TEP1: variants seen among roughly 807,000 people sequenced by gnomAD.
TEP1 encodes telomerase protein component 1.
A neutral mutation model predicts 306.3 loss-of-function variants in TEP1; 241 were observed. The observed-to-expected ratio is 0.79, with a 90% CI of 0.71 to 0.88. TEP1 has a LOEUF of 0.88. TEP1 is among the 40% of genes least tolerant of loss of function. TEP1 has a pLI of 0.00. For synonymous variants in TEP1, 1,289 were observed against 1,305.5 expected, an observed-to-expected ratio of 0.99 and a Z score of 0.27; for missense variants, 3,051 against 3,276.1, an observed-to-expected ratio of 0.93 and a Z score of 1.68.
At chr14:20,409,810 G>T (rs1164534960) in intron 1 of TEP1, among the ~76,000 whole-genome samples, 1 of 151,992 alleles carries the variant, frequency 6.6e-6, no homozygotes, top group African/African-American at 2.4e-5. Context: ...CACAAGGTCA[G>T]GAGATCGAGA....
rs10717377 is a variant in TEP1 at position 20,412,680 on chromosome 14, C to CTTTTTT, written c.-25+719_-25+724dup. On this transcript the variant is annotated intron_variant, in intron 1 of 54. Coordinates refer to ENST00000262715, the MANE Select transcript of TEP1 (RefSeq NM_007110.5). ...ACATTAATACCCACCTCACTCTTTC[C>CTTTTTT]TTTTTTTTTTTTTTTTTTTTTTGAG... Among the ~76,000 whole-genome samples the CTTTTTT allele has an allele frequency of 7.6e-5, 8 of 105,436 alleles. 1 individual carries two copies. Among genetic ancestry groups the CTTTTTT allele is most frequent in the Non-Finnish European group, 9.4e-5 (5 of 52,972 alleles). 69.2% of individuals were successfully genotyped at this position (105,436 alleles called of 152,430 possible).
Position 20,383,241 on chromosome 14 carries a change from G to C in TEP1, c.3980C>G (p.Ala1327Gly). ...ALGPLEASAR[A>G]RLVREELALY... ...GGCCAGCTCCTCTCTCACCAGCCGG[G>C]CCCGAGCAGAGGCCTCCAGAGGCCC... is the stretch of plus-strand genomic sequence containing the variant. Residue 1327 changes from alanine (A) to glycine (G), a missense_variant, in exon 27 of 55, where the codon GCC becomes GGC. Ala to Gly is a moderately conservative substitution (Grantham distance 60). Transcript: ENST00000262715. 6.2e-7 allele frequency: 1 copy of C among 1,613,988 alleles called. No individual in the cohort carries two copies.
At chr14:20,399,285 T>C (rs1878466740) in intron 9 of TEP1, among the ~76,000 whole-genome samples, 1 of 152,194 alleles carries the variant, frequency 6.6e-6, no homozygotes, top group Admixed American at 6.5e-5. Flanking sequence ...GACTCAAGTT[T>C]TTTCCACTGT....
intron 37 of TEP1, 99 bp from the exon 38 acceptor site, chr14:20,378,634 C>A: frequency 2.5e-6 from 4 of 1,576,072 alleles, no homozygotes; most frequent in Non-Finnish European, 3.5e-6. Flanking sequence ...ACCCTGCCCT[C>A]AGCAGGGAAG....
rs749963171 is a variant in TEP1, at chr14:20,405,489, G to C, written c.832C>G (p.Arg278Gly). ...TCAGGCTCCAGGAGGGCAAGTTCACGACAGATTTCAAAAATGGCAGCCAGG... is the reference window on the plus strand; with the variant it reads ...TCAGGCTCCAGGAGGGCAAGTTCACCACAGATTTCAAAAATGGCAGCCAGG... ...PTLAAIFEIC[R>G]ELALLEPEFI... Residue 278 changes from arginine (R) to glycine (G), a missense_variant, in exon 4 of 55, where the codon CGT (arginine) becomes GGT (glycine). By Grantham distance (125) the Arg-to-Gly change is moderately radical. Coordinates refer to ENST00000262715, the MANE Select transcript of TEP1 (RefSeq NM_007110.5). The C allele has an allele frequency of 1.9e-6, 3 of 1,614,120 alleles. No homozygotes were observed. Among genetic ancestry groups the C allele is most frequent in the South Asian group, 1.1e-5 (1 of 91,072 alleles).
Position 20,381,378 on chromosome 14 carries a change from C to A in TEP1, c.4582G>T (p.Ala1528Ser). ...IAAQLWKTCDADASGTFRSCP... is the reference protein window; with the variant it reads ...IAAQLWKTCDSDASGTFRSCP... ...CTTCGGAAGGTGCCTGAGGCATCAGCGTCACATGTCTTCCAGAGCTGAGCT... is the reference window on the plus strand; with the variant it reads ...CTTCGGAAGGTGCCTGAGGCATCAGAGTCACATGTCTTCCAGAGCTGAGCT... Residue 1528 changes from alanine to serine, a missense_variant, in exon 32 of 55, where the codon GCT (alanine) becomes TCT (serine). This residue lies in a region of TEP1 where 1,540 missense variants were observed against 1,705.9 expected (regional missense o/e 0.90). Coordinates refer to ENST00000262715, the MANE Select transcript of TEP1 (RefSeq NM_007110.5). This position sits in a 1 kb window ranked among gnomAD's most constrained non-coding sequence, Gnocchi z 4.0. The A allele has an allele frequency of 6.2e-7, 1 of 1,614,128 alleles. No individual in the cohort carries two copies. Among genetic ancestry groups the A allele is most frequent in the Non-Finnish European group, 8.5e-7 (1 of 1,180,028 alleles).
chr14:20,401,227 G>C, intron 8 of TEP1, 86 bp from the exon 9 acceptor site: 1 of 1,507,400 alleles, frequency 6.6e-7, no homozygotes, highest in Non-Finnish European at 9.0e-7. Flanking sequence ...TGTTTACAGG[G>C]CATGTCTGCC....
chr14:20,384,063 G>A lies in TEP1; in HGVS notation c.3509C>T (p.Ser1170Leu). 1 of 1,611,984 alleles carries A rather than the reference G, an allele frequency of 6.2e-7. No individual in the cohort carries two copies. Among genetic ancestry groups the A allele is most frequent in the Non-Finnish European group, 8.5e-7 (1 of 1,179,116 alleles). ...CAGGAAGGCTGTCTTGCCCTGTCCT[G>A]ACTGCCCCGTCACCAGGCTCAGCCT... ...HGRLSLVTGQSGQGKTAFLAS... is the reference protein window; with the variant it reads ...HGRLSLVTGQLGQGKTAFLAS... Residue 1170 changes from serine to leucine, a missense_variant, in exon 24 of 55, where the codon TCA (serine) becomes TTA (leucine). Ser to Leu is a moderately radical substitution (Grantham distance 145). This residue lies in a region of TEP1 where 1,507 missense variants were observed against 1,550.5 expected (regional missense o/e 0.97). Coordinates refer to ENST00000262715, the MANE Select transcript of TEP1 (RefSeq NM_007110.5).
rs767578551 is a variant in TEP1, at chr14:20,406,301, C to T, written c.667G>A (p.Val223Met). Residue 223 changes from valine (V) to methionine (M), a missense_variant, in exon 3 of 55, where the codon GTG becomes ATG. Val to Met is a conservative substitution (Grantham distance 21, BLOSUM62 1). Around this residue, in one of 3 missense-constraint regions of TEP1, gnomAD observed 1,507 missense variants for 1,550.5 expected, o/e 0.97. Transcript: ENST00000262715. ...TCAGAGTCTCCAGAGGTGAGCTTCA[C>T]GGCCAGATCCTCCACCTCCTCCTCC... is the stretch of plus-strand genomic sequence containing the variant. ...GEEEEVEDLA[V>M]KLTSGDSESH... 48 of 1,613,976 alleles carry T rather than the reference C, an allele frequency of 3.0e-5. No homozygotes were observed. The highest frequency in any genetic ancestry group is 1.9e-4 in the African/African-American group (14 of 74,882).
In TEP1 at chr14:20,371,206, A is replaced by G. The variant is rs1343967028; in HGVS notation, c.7317+12T>C. The G allele has an allele frequency of 5.0e-6, 8 of 1,609,938 alleles. No individual in the cohort carries two copies. The highest frequency in any genetic ancestry group is 2.2e-5 in the East Asian group (1 of 44,868). ...GAATGTTTGCTTTAGCACACACTCA[A>G]ATAGGACTTACCAAGAAAGAAAGAA... On this transcript the variant is annotated intron_variant, in intron 51 of 54. Transcript: ENST00000262715.
rs376734358 is a variant in TEP1, at chr14:20,369,670, T to G, written c.7423+4A>C. On this transcript the variant is annotated splice_donor_region_variant and intron_variant, in intron 52 of 54. Transcript: ENST00000262715. The stretch of plus-strand genomic sequence containing the variant: ...GCTCCTCAGGTCCTCCTGTTACCAC[T>G]CACCAGATTCAGGTTTGGCTTGAGT... The G allele has an allele frequency of 6.2e-7, 1 of 1,613,886 alleles. No individual in the cohort carries two copies. The highest frequency in any genetic ancestry group is 8.5e-7 in the Non-Finnish European group (1 of 1,179,770).
rs1566466616 is a variant in TEP1 at position 20,390,935 on chromosome 14, G to T, written c.2256+3C>A. On this transcript the variant is annotated splice_donor_region_variant and intron_variant, in intron 14 of 54. Transcript: ENST00000262715. The stretch of plus-strand genomic sequence containing the variant: ...TTTGGATGGTGGGTGTTGAGTGTCT[G>T]ACCTGGACTTGAGCCTGGAGCTTGA... The T allele has an allele frequency of 6.2e-7, 1 of 1,614,062 alleles. No individual in the cohort carries two copies. Among genetic ancestry groups the T allele is most frequent in the East Asian group, 2.2e-5 (1 of 44,884 alleles).
intron 9 of TEP1, among the ~76,000 whole-genome samples, chr14:20,399,172 C>T (rs796596338): frequency 6.6e-6 from 1 of 152,296 alleles, no homozygotes; most frequent in African/African-American, 2.4e-5. Context: ...GGATTACAGG[C>T]GTGAGCCATG....
At chr14:20,389,176 G>T in intron 17 of TEP1, 62 bp downstream of exon 17, 4 of 1,443,490 alleles carry the variant, frequency 2.8e-6, no homozygotes, top group Non-Finnish European at 3.9e-6. Flanking sequence ...CTGGAGTAGA[G>T]ATAATCTCCT....
intron 12 of TEP1, among the ~76,000 whole-genome samples, chr14:20,392,976 T>C (rs1036291368): frequency 1.4e-5 from 2 of 147,078 alleles, no homozygotes; most frequent in Non-Finnish European, 1.5e-5. Context: ...CCCAACACTT[T>C]AGGAGGCCGA....
At chr14:20,380,831 C>T in intron 33 of TEP1, 100 bp downstream of exon 33, 1 of 1,011,108 alleles carries the variant, frequency 9.9e-7, no homozygotes, top group Non-Finnish European at 1.5e-6. Flanking sequence ...TCTTTTTTCC[C>T]TGACACCCAC....
Position 20,401,152 on chromosome 14 carries a change from G to T in TEP1, c.1392-11C>A. Reference sequence around the variant, plus strand: ...AGGTTGGAGGGGTATCTGAGGATAGGTAAGAAAGAGGTCTATCATTTCAGA... The same window carrying T: ...AGGTTGGAGGGGTATCTGAGGATAGTTAAGAAAGAGGTCTATCATTTCAGA... On this transcript the variant is annotated splice_polypyrimidine_tract_variant and intron_variant, in intron 8 of 54. Coordinates refer to ENST00000262715, the MANE Select transcript of TEP1 (RefSeq NM_007110.5). The T allele has an allele frequency of 6.2e-7, 1 of 1,613,568 alleles. No individual in the cohort carries two copies. Among genetic ancestry groups the T allele is most frequent in the Non-Finnish European group, 8.5e-7 (1 of 1,179,852 alleles).
intron 7 of TEP1, among the ~76,000 whole-genome samples, chr14:20,402,002 G>A (rs1281762110): frequency 2.0e-5 from 3 of 152,200 alleles, no homozygotes; most frequent in Non-Finnish European, 4.4e-5. Flanking sequence ...TAGGCAGGGC[G>A]TGGTGGCTCA....
chr14:20,403,723 T>C lies in TEP1; in HGVS notation c.1194A>G (p.Pro398=), dbSNP rs1878943948. 11 of 1,613,476 alleles carry C rather than the reference T, an allele frequency of 6.8e-6. No individual in the cohort carries two copies. Among genetic ancestry groups the C allele is most frequent in the African/African-American group, 1.3e-5 (1 of 75,018 alleles). Residue 398 remains proline (P), a splice_region_variant and synonymous_variant, in exon 6 of 55, where the codon CCA becomes CCG. Coordinates refer to ENST00000262715, the MANE Select transcript of TEP1 (RefSeq NM_007110.5). The part of the protein sequence containing the change: ...KRHPRRPPRS[P]GMEPPFSHRC... The stretch of plus-strand genomic sequence containing the variant: ...GTCGAGGGCTGGGGCAGTGACTGAC[T>C]GGAGAGCGGGGTGGCCGGCGGGGGT...
Sources: allele counts gnomAD v4.1 joint callset (sites outside exome capture counted in the v4.1 genomes callset), GRCh38; gene constraint gnomAD v4.1.1; regional missense constraint gnomAD v4.1.1; non-coding constraint Gnocchi (gnomAD v3.1); transcripts MANE v1.5; gene names NCBI Gene and HGNC (gene_info 2026-07-23, HGNC 2026-07-21).